The following BTLA variants were observed in gnomAD, a reference collection of about 807,000 sequenced individuals.
BTLA encodes B and T lymphocyte associated.
Under a neutral mutation model 25.0 loss-of-function variants are expected in BTLA, and 11 were observed. That is an observed-to-expected ratio of 0.44 (90% CI 0.28 to 0.73). The LOEUF is 0.73. BTLA is among the 30% of genes least tolerant of loss of function. The pLI, the probability that BTLA is intolerant of heterozygous loss-of-function variation, is 0.15. For missense variants in BTLA, 282 were observed against 332.8 expected (o/e 0.85, Z 1.19); for synonymous variants, 104 against 119.8 (o/e 0.87, Z 0.86).
At chr3:112,488,706 C>T (rs1374044801) in intron 1 of BTLA, among the ~76,000 whole-genome samples, 12 of 152,278 alleles carry the variant, frequency 7.9e-5, no homozygotes, top group African/African-American at 2.6e-4. Flanking sequence ...CTCCACCCAC[C>T]GGGTTCAAGC....
chr3:112,475,897 G>A (rs546822841), intron 2 of BTLA, among the ~76,000 whole-genome samples: 1 of 152,048 alleles, frequency 6.6e-6, no homozygotes, highest in South Asian at 2.1e-4. Flanking sequence ...TATTTTACCT[G>A]TTTAAAAAAT....
At position 112,464,356 on chromosome 3, in the gene BTLA, A is replaced by G. The variant is rs2082213559; in HGVS notation, c.*1752T>C. ...CTGTTCAATTTCGTGTGTTCATCTG[A>G]TAAGAGGACAGCTAAATGTATCCTC... On this transcript the variant is annotated 3_prime_UTR_variant, in exon 5 of 5. Coordinates refer to ENST00000334529, the MANE Select transcript of BTLA (RefSeq NM_181780.4). 1 of 385,198 alleles carries G rather than the reference A, an allele frequency of 2.6e-6. No homozygotes were observed. Among genetic ancestry groups the G allele is most frequent in the African/African-American group, 2.1e-5 (1 of 48,374 alleles). 23.9% of individuals were successfully genotyped at this position (385,198 alleles called of 1,614,324 possible).
At chr3:112,477,252 A>G (rs2082293505) in intron 2 of BTLA, among the ~76,000 whole-genome samples, 1 of 152,104 alleles carries the variant, frequency 6.6e-6, no homozygotes, top group South Asian at 2.1e-4. Context: ...ATTTTGAGGA[A>G]CTGTTAGACC....
At position 112,466,018 on chromosome 3, in the gene BTLA, T is replaced by C; in HGVS notation, c.*90A>G. 1 of 1,356,600 alleles carries C rather than the reference T, an allele frequency of 7.4e-7. No individual in the cohort carries two copies. The highest frequency in any genetic ancestry group is 9.9e-7 in the Non-Finnish European group (1 of 1,007,700). 84.0% of individuals were successfully genotyped at this position (1,356,600 alleles called of 1,614,324 possible). ...ATTTCTAAAGTAAAAATTCTCAAATTGAGAAATATTATTTGACATCCTGTT... is the reference window on the plus strand; with the variant it reads ...ATTTCTAAAGTAAAAATTCTCAAATCGAGAAATATTATTTGACATCCTGTT... On this transcript the variant is annotated 3_prime_UTR_variant, in exon 5 of 5. Transcript: ENST00000334529.
chr3:112,485,579 T>C (rs2082342384), intron 1 of BTLA, among the ~76,000 whole-genome samples: 1 of 152,162 alleles, frequency 6.6e-6, no homozygotes, highest in African/African-American at 2.4e-5. Flanking sequence ...TATGTATTTT[T>C]TGAGACGGAG....
intron 1 of BTLA, among the ~76,000 whole-genome samples, chr3:112,481,585 G>C (rs1243105421): frequency 6.6e-6 from 1 of 152,206 alleles, no homozygotes; most frequent in East Asian, 1.9e-4. Flanking sequence ...TGCCCTCTGA[G>C]CTCTGAGCCT....
chr3:112,479,396 C>A, intron 2 of BTLA, 59 bp downstream of exon 2: 1 of 1,485,766 alleles, frequency 6.7e-7, no homozygotes, highest in South Asian at 1.3e-5. Context: ...AACTGAACCC[C>A]CCTCTTCCTG....
intron 1 of BTLA, among the ~76,000 whole-genome samples, chr3:112,494,147 T>C (rs895076542): frequency 2.0e-5 from 3 of 150,846 alleles, no homozygotes; most frequent in African/African-American, 7.3e-5. Context: ...CCAACAAACA[T>C]AAGAATAAAA....
intron 2 of BTLA, among the ~76,000 whole-genome samples, chr3:112,477,319 A>G (rs955854568): frequency 6.7e-6 from 1 of 149,508 alleles, no homozygotes; most frequent in Non-Finnish European, 1.5e-5. Context: ...TAGGGTTTCT[A>G]TTTCTTCACA....
Position 112,499,471 on chromosome 3 carries a change from C to CAAA in BTLA, c.-114_-113insTTT. The CAAA allele has an allele frequency of 2.9e-6, 1 of 344,618 alleles. No homozygotes were observed. The highest frequency in any genetic ancestry group is 4.6e-6 in the Non-Finnish European group (1 of 218,618). 21.3% of individuals were successfully genotyped at this position (344,618 alleles called of 1,614,324 possible). ...TACCCCAGTGGCATCTGTGAAATAA[C>CAAA]TAAAAAAAAAAAAAAAAGAAGAGAG... is the stretch of plus-strand genomic sequence containing the variant. On this transcript the variant is annotated 5_prime_UTR_variant, in exon 1 of 5. Transcript: ENST00000334529.
intron 1 of BTLA, among the ~76,000 whole-genome samples, chr3:112,485,890 A>C (rs2082344445): frequency 6.6e-6 from 1 of 152,238 alleles, no homozygotes; most frequent in Non-Finnish European, 1.5e-5. Context: ...AGGCGAGTGG[A>C]TCACGAGGTC....
rs1231142297 is a variant in BTLA at position 112,464,155 on chromosome 3, T to C, written c.*1953A>G. ...AAATGCATGTATGTCTCTGACACCA[T>C]TTTGAAAAGGAATAAAAACATAAAT... On this transcript the variant is annotated 3_prime_UTR_variant, in exon 5 of 5. Coordinates refer to ENST00000334529, the MANE Select transcript of BTLA (RefSeq NM_181780.4). The C allele has an allele frequency of 2.3e-5, 9 of 397,922 alleles. No homozygotes were observed. Among genetic ancestry groups the C allele is most frequent in the Non-Finnish European group, 3.5e-5 (8 of 225,730 alleles). The allele number at this position is 397,922 out of a possible 1,614,324, so 24.6% of individuals were successfully genotyped here.
chr3:112,493,086 C>A (rs189001244), intron 1 of BTLA, among the ~76,000 whole-genome samples: 2 of 152,038 alleles, frequency 1.3e-5, no homozygotes, highest in Admixed American at 1.3e-4. Context: ...TGAGAGTATA[C>A]CAGAAAGGTA....
chr3:112,485,329 G>GCCAC, intron 1 of BTLA, among the ~76,000 whole-genome samples: 1 of 152,276 alleles, frequency 6.6e-6, no homozygotes, highest in South Asian at 2.1e-4. Flanking sequence ...ACAGGAGTGA[G>GCCAC]CCACCGGCCT....
At position 112,465,259 on chromosome 3, in the gene BTLA, G is replaced by A. The variant is rs930849665; in HGVS notation, c.*849C>T. The A allele has an allele frequency of 2.6e-5, 4 of 152,598 alleles. No individual in the cohort carries two copies. The highest frequency in any genetic ancestry group is 1.3e-4 in the Admixed American group (2 of 15,272). The allele number at this position is 152,598 out of a possible 1,614,324, so 9.5% of individuals were successfully genotyped here. A position where few individuals can be genotyped will look rare whatever the true frequency, so the allele number is the denominator to read the frequency against. On this transcript the variant is annotated 3_prime_UTR_variant, in exon 5 of 5. Transcript: ENST00000334529. The stretch of plus-strand genomic sequence containing the variant: ...TTTAACTTGCTATCAAGTCAAGCAT[G>A]AAGCAGTTTAAGCTATCTTCACTTG...
chr3:112,486,602 CTAAT>C (rs1399891052), intron 1 of BTLA, among the ~76,000 whole-genome samples: 1 of 152,044 alleles, frequency 6.6e-6, no homozygotes, highest in African/African-American at 2.4e-5. Flanking sequence ...TGTCCAATAA[CTAAT>C]AAATGGATTG....
Position 112,466,193 on chromosome 3 carries a change from T to A in BTLA, c.785A>T (p.His262Leu). The A allele has an allele frequency of 6.2e-7, 1 of 1,613,792 alleles. No homozygotes were observed. Among genetic ancestry groups the A allele is most frequent in the South Asian group, 1.1e-5 (1 of 90,994 alleles). ...TCTTGAGTTCGGTCCAATGACAGAA[T>A]GGTTCAGGGAAGCATAAACAATGCC... Reference protein sequence around the residue: ...KPGIVYASLNHSVIGPNSRLA... With the variant: ...KPGIVYASLNLSVIGPNSRLA... Residue 262 changes from histidine to leucine, a missense_variant, in exon 5 of 5, where the codon CAT becomes CTT. By Grantham distance (99) the His-to-Leu change is moderately conservative. Coordinates refer to ENST00000334529, the MANE Select transcript of BTLA (RefSeq NM_181780.4).
intron 1 of BTLA, among the ~76,000 whole-genome samples, chr3:112,491,849 GT>G (rs35345475): frequency 0.74 from 112,324 of 152,012 alleles, 45,636 homozygotes; most frequent in Non-Finnish European, 0.91. Context: ...GGGATCAGCA[GT>G]GGTGCATAAT....
chr3:112,484,699 C>T (rs1576686818), intron 1 of BTLA, among the ~76,000 whole-genome samples: 2 of 152,252 alleles, frequency 1.3e-5, no homozygotes, highest in Middle Eastern at 3.4e-3. Context: ...CTGTATGCTC[C>T]GGAGCAGTGC....
Sources: gnomAD v4.1 joint callset for allele counts (sites outside exome capture counted in the v4.1 genomes callset) on GRCh38, gnomAD v4.1.1 for gene constraint, MANE v1.5 for transcripts, NCBI Gene and HGNC (gene_info 2026-07-23, HGNC 2026-07-21) for gene names.